The following HSDL2 variants were observed in gnomAD, a reference collection of about 807,000 sequenced individuals.
The protein encoded by HSDL2 is hydroxysteroid dehydrogenase-like protein 2.
HSDL2 carries 27 observed loss-of-function variants against 46.3 expected under a neutral mutation model. The ratio of observed to expected loss-of-function variants is 0.58; its 90% CI spans 0.43 to 0.80. The LOEUF is 0.80. HSDL2 is among the 30% of genes least tolerant of loss of function. The pLI, the probability that HSDL2 is intolerant of heterozygous loss-of-function variation, is 0.00. For missense variants in HSDL2, 451 were observed against 502.7 expected (o/e 0.90, Z 0.98); for synonymous variants, 153 against 163.6 (o/e 0.94, Z 0.50).
chr9:112,391,967 G>A (rs1210422316), intron 1 of HSDL2, among the ~76,000 whole-genome samples: 13 of 152,126 alleles, frequency 8.5e-5, no homozygotes, highest in South Asian at 6.3e-4. Context: ...GGGGGAACCT[G>A]CCCCAAGTAT....
At chr9:112,445,452 A>T (rs1224649817) in intron 8 of HSDL2, among the ~76,000 whole-genome samples, 2 of 149,994 alleles carry the variant, frequency 1.3e-5, no homozygotes, top group Non-Finnish European at 3.0e-5. Context: ...TTTTCATTTT[A>T]TCCTATTGTC....
At chr9:112,407,068 G>C (rs569465527) in intron 3 of HSDL2, among the ~76,000 whole-genome samples, 1 of 152,302 alleles carries the variant, frequency 6.6e-6, no homozygotes, top group African/African-American at 2.4e-5. Flanking sequence ...GCAGAGTGCT[G>C]TGGGGTGCTG....
Position 112,470,463 on chromosome 9 carries a change from A to G in HSDL2, c.1176A>G (p.Ser392=). The part of the protein sequence containing the change: ...GKLKPTMAFM[S]GKLKIKGNMA... The stretch of plus-strand genomic sequence containing the variant: ...TAAAACCAACAATGGCATTCATGTC[A>G]GGGAAATTGAAGATTAAAGGTAACA... The change falls in exon 11 of 11, where the codon TCA becomes TCG. Residue 392 remains serine, a synonymous_variant. Coordinates refer to ENST00000398805, the MANE Select transcript of HSDL2 (RefSeq NM_032303.5). 1.2e-6 allele frequency: 2 copies of G among 1,611,564 alleles called. No homozygotes were observed. The highest frequency in any genetic ancestry group is 1.7e-6 in the Non-Finnish European group (2 of 1,178,624).
At chr9:112,388,985 A>G (rs1002149961) in intron 1 of HSDL2, among the ~76,000 whole-genome samples, 19 of 152,064 alleles carry the variant, frequency 1.2e-4, no homozygotes, top group African/African-American at 4.6e-4. Context: ...ATACTGTGAA[A>G]GTAGATACAT....
Position 112,454,127 on chromosome 9 carries a change from A to G in HSDL2, c.980A>G (p.Lys327Arg), listed in dbSNP as rs758368316. 1 of 1,614,000 alleles carries G rather than the reference A, an allele frequency of 6.2e-7. No individual in the cohort carries two copies. Among genetic ancestry groups the G allele is most frequent in the Non-Finnish European group, 8.5e-7 (1 of 1,179,934 alleles). ...GACTCTCTCAGTGATGATGTTGTTA[A>G]AGCCACTCAAGCAATCTATCTGTTT... ...VKDSLSDDVV[K>R]ATQAIYLFEL... The change falls in exon 9 of 11, where the codon AAA becomes AGA. Residue 327 changes from lysine to arginine, a missense_variant. By Grantham distance (26) the Lys-to-Arg change is conservative. Transcript: ENST00000398805.
intron 4 of HSDL2, 56 bp from the exon 5 acceptor site, chr9:112,416,782 AAAG>A: frequency 1.2e-6 from 1 of 845,880 alleles, no homozygotes; most frequent in Admixed American, 2.1e-5. Flanking sequence ...CTTAAAAAAA[AAAG>A]TGGAGAAATT....
intron 6 of HSDL2, among the ~76,000 whole-genome samples, chr9:112,428,873 C>T (rs1832315886): frequency 6.6e-6 from 1 of 152,154 alleles, no homozygotes; most frequent in Admixed American, 6.5e-5. Context: ...TATTTTCCCT[C>T]TTTGTACCTC....
rs1832578201 is a variant in HSDL2, at chr9:112,438,571, A to G, written c.739A>G (p.Asn247Asp). 2.5e-6 allele frequency: 4 copies of G among 1,610,850 alleles called. No individual in the cohort carries two copies. The highest frequency in any genetic ancestry group is 2.5e-6 in the Non-Finnish European group (3 of 1,178,204). Residue 247 changes from asparagine (N) to aspartate (D), a missense_variant, in exon 7 of 11, where the codon AAT (asparagine) becomes GAT (aspartate). Asn to Asp is a conservative substitution (Grantham distance 23, BLOSUM62 1). Transcript: ENST00000398805. ...SFTGNFVIDE[N>D]ILKEEGIENF... ...TACTGGCAACTTTGTCATTGATGAAAATATCTTAAAAGAAGAAGGAATAGA... is the reference window on the plus strand; with the variant it reads ...TACTGGCAACTTTGTCATTGATGAAGATATCTTAAAAGAAGAAGGAATAGA...
chr9:112,437,632 A>G (rs898814150), intron 6 of HSDL2, among the ~76,000 whole-genome samples: 8 of 152,054 alleles, frequency 5.3e-5, no homozygotes, highest in African/African-American at 1.9e-4. Context: ...CTTCCCAGAG[A>G]AGGAGTCATC....
intron 1 of HSDL2, among the ~76,000 whole-genome samples, chr9:112,394,737 G>A (rs903939326): frequency 2.0e-5 from 3 of 149,862 alleles, no homozygotes; most frequent in Non-Finnish European, 2.9e-5. Context: ...CCAGACTTGA[G>A]TTTCTAGATG....
intron 10 of HSDL2, among the ~76,000 whole-genome samples, chr9:112,460,385 G>T (rs1833167433): frequency 6.6e-6 from 1 of 152,168 alleles, no homozygotes; most frequent in Non-Finnish European, 1.5e-5. Flanking sequence ...TCTGTATACG[G>T]TGTACTAATG....
chr9:112,421,628 T>G (rs1286892833), intron 6 of HSDL2, among the ~76,000 whole-genome samples: 3 of 152,220 alleles, frequency 2.0e-5, no homozygotes, highest in Non-Finnish European at 4.4e-5. Flanking sequence ...CTTGAACTTC[T>G]TGCCTCAAGT....
intron 1 of HSDL2, among the ~76,000 whole-genome samples, chr9:112,399,607 C>A (rs1831542056): frequency 6.6e-6 from 1 of 152,112 alleles, no homozygotes; most frequent in Non-Finnish European, 1.5e-5. Context: ...CAGACGTTCC[C>A]AGAGTGGCCG....
At chr9:112,398,034 G>A (rs890260599) in intron 1 of HSDL2, among the ~76,000 whole-genome samples, 11 of 152,050 alleles carry the variant, frequency 7.2e-5, no homozygotes, top group East Asian at 3.9e-4. Flanking sequence ...AGATGGACTC[G>A]GCATAGAAAT....
intron 6 of HSDL2, among the ~76,000 whole-genome samples, chr9:112,420,035 T>C (rs536462702): frequency 1.3e-5 from 2 of 152,318 alleles, no homozygotes; most frequent in African/African-American, 4.8e-5. Context: ...CTTAACTTCT[T>C]TTTATCTTAA....
rs746111133 is a variant in HSDL2 at position 112,418,847 on chromosome 9, G to A, written c.500-13G>A. On this transcript the variant is annotated splice_polypyrimidine_tract_variant and intron_variant, in intron 5 of 10. Transcript: ENST00000398805. ...TTTTATAATTAAATTATTATTTTTT[G>A]TGGTTCTTTCAGCTTATACCATTGC... The A allele has an allele frequency of 3.6e-6, 5 of 1,391,872 alleles. No homozygotes were observed. In the African/African-American group the frequency reaches 7.3e-5, roughly 20 times the overall value. The allele number at this position is 1,391,872 out of a possible 1,614,324, so 86.2% of individuals were successfully genotyped here.
At chr9:112,381,669 T>G (rs544244705) in intron 1 of HSDL2, among the ~76,000 whole-genome samples, 1 of 152,284 alleles carries the variant, frequency 6.6e-6, no homozygotes, top group East Asian at 1.9e-4. Flanking sequence ...TCCTTTTTAA[T>G]GGTTGCATAA....
chr9:112,394,013 T>C (rs993735274), intron 1 of HSDL2, among the ~76,000 whole-genome samples: 1 of 152,022 alleles, frequency 6.6e-6, no homozygotes, highest in East Asian at 1.9e-4. Flanking sequence ...AAAGAAGCAA[T>C]CTGAGGTGCC....
Position 112,403,932 on chromosome 9 carries a change from C to A in HSDL2, c.18-63C>A, listed in dbSNP as rs923900755. On this transcript the variant is annotated intron_variant, in intron 1 of 10. Transcript: ENST00000398805. ...ATATTATGAAAATATGCATGAGGTT[C>A]TGATACCTGTCAGTAAATAAAACAT... is the stretch of plus-strand genomic sequence containing the variant. The A allele has an allele frequency of 5.3e-6, 8 of 1,511,310 alleles. No homozygotes were observed. In the Admixed American group the frequency reaches 1.5e-4, roughly 28 times the overall value. 93.6% of individuals were successfully genotyped at this position (1,511,310 alleles called of 1,614,324 possible).
Sources: allele counts gnomAD v4.1 joint callset (sites outside exome capture counted in the v4.1 genomes callset), GRCh38; gene constraint gnomAD v4.1.1; transcripts MANE v1.5; gene names NCBI Gene and HGNC (gene_info 2026-07-23, HGNC 2026-07-21).